The following MAK variants were observed in gnomAD, a reference collection of about 807,000 sequenced individuals.
The protein encoded by MAK is serine/threonine-protein kinase MAK.
MAK carries 65 observed loss-of-function variants against 82.6 expected under a neutral mutation model. That is an observed-to-expected ratio of 0.79 (90% CI 0.64 to 0.97). The LOEUF is 0.97. Ranked by LOEUF, MAK falls within the 50% of genes least tolerant of loss-of-function variation. The pLI, the probability that MAK is intolerant of heterozygous loss-of-function variation, is 0.00. For synonymous variants in MAK, 250 were observed against 274.2 expected, an observed-to-expected ratio of 0.91 and a Z score of 0.87; for missense variants, 703 against 780.2, an observed-to-expected ratio of 0.90 and a Z score of 1.18.
intron 14 of MAK, among the ~76,000 whole-genome samples, chr6:10,768,495 C>T (rs768832768): frequency 2.4e-4 from 37 of 152,154 alleles, no homozygotes; most frequent in Non-Finnish European, 3.8e-4. Flanking sequence ...GCAGGAGAAT[C>T]GTTTGAACCC....
intron 1 of MAK, among the ~76,000 whole-genome samples, chr6:10,833,312 T>C (rs1778942073): frequency 6.6e-6 from 1 of 152,166 alleles, no homozygotes; most frequent in South Asian, 2.1e-4. Context: ...CTTTTAATAA[T>C]ACGGAGTGTG....
At chr6:10,832,392 C>A (rs902761167) in intron 1 of MAK, among the ~76,000 whole-genome samples, 2 of 152,246 alleles carry the variant, frequency 1.3e-5, no homozygotes, top group East Asian at 1.9e-4. Context: ...AACAGTCTCA[C>A]ATATTACAGA....
At chr6:10,815,911 A>AATATATATATATATATAT (rs1561991497) in intron 4 of MAK, among the ~76,000 whole-genome samples, 14 of 78,154 alleles carry the variant, frequency 1.8e-4, no homozygotes, top group African/African-American at 7.1e-4. Context: ...AGCTTTATAC[A>AATATATATATATATATAT]GTATATATAT....
chr6:10,764,744 T>C, intron 14 of MAK, 138 bp from the exon 15 acceptor site: 1 of 923,688 alleles, frequency 1.1e-6, no homozygotes, highest in East Asian at 2.5e-5. Context: ...TCTGAGGCTT[T>C]TTAAATGTTA....
chr6:10,837,781 G>A (rs1184330085), intron 1 of MAK, among the ~76,000 whole-genome samples: 1 of 152,166 alleles, frequency 6.6e-6, no homozygotes, highest in Non-Finnish European at 1.5e-5. Flanking sequence ...AATTAAAACG[G>A]ATTACTTGCA....
chr6:10,778,584 T>C (rs1216790362), intron 11 of MAK, among the ~76,000 whole-genome samples: 2 of 152,010 alleles, frequency 1.3e-5, no homozygotes, highest in African/African-American at 2.4e-5. Flanking sequence ...GGCAACAGTT[T>C]GGGCAGAGGA....
intron 11 of MAK, among the ~76,000 whole-genome samples, chr6:10,784,106 T>C (rs1480879920): frequency 6.6e-6 from 1 of 151,982 alleles, no homozygotes; most frequent in Non-Finnish European, 1.5e-5. Context: ...TATAAAAAGT[T>C]GTAATGGGGG....
chr6:10,801,962 C>T lies in MAK; in HGVS notation c.761G>A (p.Ser254Asn). ...GGTCATGAGCTGAATAGCTTCATTA[C>T]TGGCATTGGGAATAAGAGTTTTTAA... is the stretch of plus-strand genomic sequence containing the variant. ...INLKTLIPNA[S>N]NEAIQLMTEM... Residue 254 changes from serine to asparagine, a missense_variant, in exon 8 of 15, where the codon AGT becomes AAT. Ser to Asn is a conservative substitution (Grantham distance 46, BLOSUM62 1). Transcript: ENST00000354489. The T allele has an allele frequency of 3.1e-6, 5 of 1,612,266 alleles. No homozygotes were observed. The highest frequency in any genetic ancestry group is 1.1e-5 in the South Asian group (1 of 91,028).
chr6:10,835,531 G>T (rs1581786667), intron 1 of MAK, among the ~76,000 whole-genome samples: 1 of 152,204 alleles, frequency 6.6e-6, no homozygotes, highest in Non-Finnish European at 1.5e-5. Context: ...AAGTGCTGGG[G>T]TTTATAGGCG....
chr6:10,830,636 T>G lies in MAK; in HGVS notation c.13A>C (p.Thr5Pro). The change falls in exon 2 of 15, where the codon ACA becomes CCA. Residue 5 changes from threonine to proline, a missense_variant. Thr to Pro is a conservative substitution (Grantham distance 38). Transcript: ENST00000354489. MNRY[T>P]TMRQLGDGTY... ...CCGTCCCCCAACTGTCTCATGGTTGTGTATCGGTTCATCTTGGAAAAATAA... is the reference window on the plus strand; with the variant it reads ...CCGTCCCCCAACTGTCTCATGGTTGGGTATCGGTTCATCTTGGAAAAATAA... 1 of 1,613,636 alleles carries G rather than the reference T, an allele frequency of 6.2e-7. No individual in the cohort carries two copies. The highest frequency in any genetic ancestry group is 8.5e-7 in the Non-Finnish European group (1 of 1,179,514).
chr6:10,794,375 C>A (rs1270743403), intron 9 of MAK, among the ~76,000 whole-genome samples: 1 of 152,138 alleles, frequency 6.6e-6, no homozygotes, highest in Non-Finnish European at 1.5e-5. Flanking sequence ...CACAAACATT[C>A]CTGACCTCAC....
intron 4 of MAK, among the ~76,000 whole-genome samples, chr6:10,814,600 C>T (rs886512650): frequency 2.6e-5 from 4 of 151,246 alleles, no homozygotes; most frequent in South Asian, 2.1e-4. Flanking sequence ...CCTGGGAATT[C>T]GAGGCTGCAG....
intron 9 of MAK, among the ~76,000 whole-genome samples, chr6:10,795,132 ATTCT>A (rs1219000352): frequency 4.6e-5 from 7 of 152,248 alleles, no homozygotes; most frequent in East Asian, 1.9e-4. Flanking sequence ...ATTCTTTTAA[ATTCT>A]TTCTTTGAAT....
At chr6:10,810,457 A>G (rs1417989315) in intron 5 of MAK, among the ~76,000 whole-genome samples, 2 of 147,244 alleles carry the variant, frequency 1.4e-5, no homozygotes, top group African/African-American at 5.1e-5. Flanking sequence ...CTCCTGCCTC[A>G]GCCTCTGGAA....
intron 14 of MAK, among the ~76,000 whole-genome samples, chr6:10,765,895 T>G (rs1772389342): frequency 6.6e-6 from 1 of 152,220 alleles, no homozygotes; most frequent in African/African-American, 2.4e-5. Context: ...TCTGACTGTT[T>G]AAAAATTTGT....
At position 10,815,945 on chromosome 6, in the gene MAK, T is replaced by TATATATATATATATATATAA. The variant is rs1171616235; in HGVS notation, c.278+1904_278+1905insTTATATATATATATATATAT. Among the ~76,000 whole-genome samples, 253 of 116,722 alleles carry TATATATATATATATATATAA rather than the reference T, an allele frequency of 2.2e-3. 10 individuals carry two copies. The highest frequency in any genetic ancestry group is 8.8e-3 in the African/African-American group (234 of 26,484). The allele number at this position is 116,722 out of a possible 152,430, so 76.6% of individuals were successfully genotyped here. A position where few individuals can be genotyped will look rare whatever the true frequency, so the allele number is the denominator to read the frequency against. ...ATATATATATATATATATATATATA[T>TATATATATATATATATATAA]ATGTATGTTTTCTTTTTTGTTTGAG... is the stretch of plus-strand genomic sequence containing the variant. On this transcript the variant is annotated intron_variant, in intron 4 of 14. Transcript: ENST00000354489.
At chr6:10,824,627 C>A (rs944781048) in intron 2 of MAK, among the ~76,000 whole-genome samples, 12 of 152,160 alleles carry the variant, frequency 7.9e-5, no homozygotes, top group Non-Finnish European at 1.8e-4. Flanking sequence ...AGGTGGAAAG[C>A]AAAGTCATGA....
Position 10,775,449 on chromosome 6 carries a change from G to A in MAK, c.1476C>T (p.Pro492=), listed in dbSNP as rs1480672394. 1.2e-6 allele frequency: 2 copies of A among 1,613,056 alleles called. No homozygotes were observed. Among genetic ancestry groups the A allele is most frequent in the Non-Finnish European group, 1.7e-6 (2 of 1,179,486 alleles). Residue 492 remains proline (P), a synonymous_variant, in exon 12 of 15, where the codon CCC becomes CCT. Coordinates refer to ENST00000354489, the MANE Select transcript of MAK (RefSeq NM_001242957.3). ...CACTGGCTATCAAGGACACCTTCTTGGGATTCACACCTGAGAAGAACAAAA... is the reference window on the plus strand; with the variant it reads ...CACTGGCTATCAAGGACACCTTCTTAGGATTCACACCTGAGAAGAACAAAA... The part of the protein sequence containing the change: ...KQSRYLPGVN[P]KKVSLIASGK...
rs1302913630 is a variant in MAK, at chr6:10,775,265, AT to A, written c.1597+62del. The A allele has an allele frequency of 3.1e-5, 49 of 1,582,070 alleles. No homozygotes were observed. In the African/African-American group the frequency reaches 6.3e-4, roughly 20 times the overall value. On this transcript the variant is annotated intron_variant, in intron 12 of 14. Coordinates refer to ENST00000354489, the MANE Select transcript of MAK (RefSeq NM_001242957.3). ...CTTGGTTGGAAGAGCACTGCAATAT[AT>A]TTAAAAGTAGACCTCTATAAAGGAA... is the stretch of plus-strand genomic sequence containing the variant.
Sources: allele counts gnomAD v4.1 joint callset (sites outside exome capture counted in the v4.1 genomes callset), GRCh38; gene constraint gnomAD v4.1.1; transcripts MANE v1.5; gene names NCBI Gene and HGNC (gene_info 2026-07-23, HGNC 2026-07-21).